Variants in DCAF4 observed in about 807,000 individuals in gnomAD.
DCAF4 encodes DDB1 and CUL4 associated factor 4.
DCAF4 carries 37 observed loss-of-function variants against 60.9 expected under a neutral mutation model. The observed-to-expected ratio is 0.61, with a 90% CI of 0.47 to 0.80. The LOEUF is 0.80. Ranked by LOEUF, DCAF4 falls within the 30% of genes least tolerant of loss-of-function variation. DCAF4 has a pLI of 0.00. For synonymous variants in DCAF4, 243 were observed against 254.8 expected (o/e 0.95, Z 0.44); for missense variants, 577 against 650.0 (o/e 0.89, Z 1.22).
chr14:72,942,219 CA>C (rs1890128796), intron 5 of DCAF4: 1 of 175,620 alleles, frequency 5.7e-6, no homozygotes, highest in African/African-American at 2.4e-5. Flanking sequence ...TAAACCTTAT[CA>C]AAGTACTTAT....
At chr14:72,945,220 G>A (rs988071360) in intron 6 of DCAF4, among the ~76,000 whole-genome samples, 7 of 151,670 alleles carry the variant, frequency 4.6e-5, no homozygotes, top group Admixed American at 6.6e-5. Context: ...TAGCGAGACC[G>A]TATCTCTACA....
At chr14:72,939,739 C>T in intron 2 of DCAF4, 63 bp from the exon 3 acceptor site, 18 of 1,437,404 alleles carry the variant, frequency 1.3e-5, no homozygotes, top group Non-Finnish European at 1.7e-5. Context: ...GACTCCCTGC[C>T]CCCGTCAGAA....
rs147302871 is a variant in DCAF4, at chr14:72,958,620, G to A, written c.1303G>A (p.Asp435Asn). ...EEGILVAVGQDCYTRIWSLHD... is the reference protein window; with the variant it reads ...EEGILVAVGQNCYTRIWSLHD... ...TCTCTCCTCTTTCCTAGTGGGCCAG[G>A]ACTGCTACACGAGAATCTGGAGCCT... Residue 435 changes from aspartate (D) to asparagine (N), a missense_variant, in exon 14 of 14, where the codon GAC becomes AAC. Physicochemically the swap from Asp to Asn is conservative, Grantham distance 23. Coordinates refer to ENST00000358377, the MANE Select transcript of DCAF4 (RefSeq NM_015604.4). 1,688 of 1,614,054 alleles carry A rather than the reference G, an allele frequency of 1.0e-3. 2 individuals carry two copies. Among genetic ancestry groups the A allele is most frequent in the Non-Finnish European group, 1.3e-3 (1,592 of 1,180,046 alleles).
Position 72,941,817 on chromosome 14 carries a change from T to C in DCAF4, c.424T>C (p.Tyr142His). The stretch of plus-strand genomic sequence containing the variant: ...GCTGGGTTTTCTCAACGTCACCAAT[T>C]ACTGCCAGTAAGACAATGCCTCTTT... ...SQLGFLNVTN[Y>H]CHLAHELRLS... Residue 142 changes from tyrosine to histidine, a missense_variant, in exon 5 of 14, where the codon TAC becomes CAC. By Grantham distance (83) the Tyr-to-His change is moderately conservative. Coordinates refer to ENST00000358377, the MANE Select transcript of DCAF4 (RefSeq NM_015604.4). The C allele has an allele frequency of 6.2e-7, 1 of 1,614,010 alleles. No individual in the cohort carries two copies.
intron 9 of DCAF4, among the ~76,000 whole-genome samples, chr14:72,953,682 AC>A (rs1420240848): frequency 7.6e-6 from 1 of 130,858 alleles, no homozygotes; most frequent in African/African-American, 2.8e-5. Context: ...TGCACTCCAG[AC>A]TGGGCAAAAG....
chr14:72,953,162 G>A (rs1036068996), intron 9 of DCAF4, among the ~76,000 whole-genome samples: 6 of 151,056 alleles, frequency 4.0e-5, no homozygotes, highest in African/African-American at 1.2e-4. Flanking sequence ...CACCACACCC[G>A]GCTGATTTTT....
chr14:72,929,971 A>C (rs1457800373), intron 1 of DCAF4: 8 of 739,070 alleles, frequency 1.1e-5, no homozygotes, highest in South Asian at 4.8e-5. Flanking sequence ...AAGGCCAAAA[A>C]TATTTTTTAA....
intron 1 of DCAF4, among the ~76,000 whole-genome samples, chr14:72,931,873 G>C (rs77626167): frequency 1.3e-5 from 2 of 151,960 alleles, no homozygotes; most frequent in African/African-American, 4.8e-5. Flanking sequence ...GATAAATCGC[G>C]CTTGGTCTTG....
chr14:72,929,117 C>T (rs1042934107), intron 1 of DCAF4, among the ~76,000 whole-genome samples: 4 of 150,380 alleles, frequency 2.7e-5, no homozygotes, highest in East Asian at 2.0e-4. Flanking sequence ...GCGCACCCCG[C>T]CCCCCACCCC....
At chr14:72,953,722 AAAAAAAAAAAATATATATATAT>A (rs1891762689) in intron 9 of DCAF4, among the ~76,000 whole-genome samples, 1 of 50,192 alleles carries the variant, frequency 2.0e-5, no homozygotes, top group African/African-American at 1.0e-4. Flanking sequence ...AAAAAAAAAA[AAAAAAAAAAAATATATATATAT>A]ATATATATAT....
chr14:72,939,871 G>A lies in DCAF4; in HGVS notation c.162G>A (p.Ser54=), dbSNP rs35802342. 225 of 1,611,488 alleles carry A rather than the reference G, an allele frequency of 1.4e-4. No homozygotes were observed. In the African/African-American group the frequency reaches 2.7e-3, roughly 19 times the overall value. ...GTGATGACGAGTCTCCGTCAACCTC[G>A]TCTGGCACAGCTGGGACCTCCTCTG... The part of the protein sequence containing the change: ...GHGDDESPST[S]SGTAGTSSVP... Residue 54 remains serine, a synonymous_variant, in exon 3 of 14, where the codon TCG becomes TCA. Transcript: ENST00000358377.
intron 1 of DCAF4, among the ~76,000 whole-genome samples, chr14:72,931,988 CTTT>C (rs146250601): frequency 1.2e-4 from 14 of 116,950 alleles, no homozygotes; most frequent in Middle Eastern, 3.7e-3. Context: ...ATTTTTCCTT[CTTT>C]TTTTTTTTTT....
At chr14:72,934,406 G>A (rs1361950098) in intron 1 of DCAF4, among the ~76,000 whole-genome samples, 2 of 151,722 alleles carry the variant, frequency 1.3e-5, no homozygotes, top group African/African-American at 2.4e-5. Context: ...CACCCGTCTC[G>A]GCCTCCCAAA....
rs75774911 is a variant in DCAF4, at chr14:72,930,713, G to A, written c.-9+4170G>A. Among the ~76,000 whole-genome samples, 1,051 of 152,246 alleles carry A rather than the reference G, an allele frequency of 6.9e-3. 14 individuals are homozygous for A. The highest frequency in any genetic ancestry group is 0.024 in the African/African-American group (1,000 of 41,528). On this transcript the variant is annotated intron_variant, in intron 1 of 13. Transcript: ENST00000358377. ...GAAATCATTGCCTAATCAAGATCATGATGATTTATACCTTTGTTTCCTTCA... is the reference window on the plus strand; with the variant it reads ...GAAATCATTGCCTAATCAAGATCATAATGATTTATACCTTTGTTTCCTTCA...
intron 13 of DCAF4, 25 bp from the exon 14 acceptor site, chr14:72,958,587 G>A: frequency 1.2e-6 from 2 of 1,613,740 alleles, no homozygotes; most frequent in Admixed American, 1.7e-5. Flanking sequence ...TCACTAGCCT[G>A]CCATGTGTCT....
At chr14:72,951,982 G>A (rs1273011774) in intron 9 of DCAF4, 105 bp downstream of exon 9, 2 of 1,229,330 alleles carry the variant, frequency 1.6e-6, no homozygotes, top group African/African-American at 1.5e-5. Flanking sequence ...CACTGTGGGA[G>A]GATTCCCTAA....
Position 72,928,187 on chromosome 14 carries a change from C to CTTTTTTT in DCAF4, c.-9+1661_-9+1667dup, listed in dbSNP as rs565229070. Reference sequence around the variant, plus strand: ...CCCGCTAGTCTACAGAATCCCCCCACTTTTTTTTTTTTTTTTTTTTTTTGA... The same window carrying CTTTTTTT: ...CCCGCTAGTCTACAGAATCCCCCCACTTTTTTTTTTTTTTTTTTTTTTTTTTTTTTGA... On this transcript the variant is annotated intron_variant, in intron 1 of 13. Coordinates refer to ENST00000358377, the MANE Select transcript of DCAF4 (RefSeq NM_015604.4). Among the ~76,000 whole-genome samples the CTTTTTTT allele has an allele frequency of 1.8e-3, 118 of 67,274 alleles. 13 individuals are homozygous for CTTTTTTT. Among genetic ancestry groups the CTTTTTTT allele is most frequent in the Middle Eastern group, 0.017 (1 of 60 alleles). The allele number at this position is 67,274 out of a possible 152,430, so 44.1% of individuals were successfully genotyped here. A position where few individuals can be genotyped will look rare whatever the true frequency, so the allele number is the denominator to read the frequency against.
At position 72,958,605 on chromosome 14, in the gene DCAF4, T is replaced by C; in HGVS notation, c.1295-7T>C. 1 of 1,614,184 alleles carries C rather than the reference T, an allele frequency of 6.2e-7. No homozygotes were observed. The highest frequency in any genetic ancestry group is 8.5e-7 in the Non-Finnish European group (1 of 1,180,010). On this transcript the variant is annotated splice_region_variant and splice_polypyrimidine_tract_variant and intron_variant, in intron 13 of 13. Transcript: ENST00000358377. The stretch of plus-strand genomic sequence containing the variant: ...CTAGCCTGCCATGTGTCTCTCCTCT[T>C]TCCTAGTGGGCCAGGACTGCTACAC...
In DCAF4 at chr14:72,943,003, C is replaced by A; in HGVS notation, c.441C>A (p.His147Gln). 1 of 1,614,116 alleles carries A rather than the reference C, an allele frequency of 6.2e-7. No homozygotes were observed. Among genetic ancestry groups the A allele is most frequent in the Non-Finnish European group, 8.5e-7 (1 of 1,179,978 alleles). The part of the protein sequence containing the change: ...LNVTNYCHLA[H>Q]ELRLSCMERK... Reference sequence around the variant, plus strand: ...CCCTCTGTTTCTGCAGTTTAGCCCACGAGCTGCGTCTCAGCTGCATGGAGA... The same window carrying A: ...CCCTCTGTTTCTGCAGTTTAGCCCAAGAGCTGCGTCTCAGCTGCATGGAGA... Residue 147 changes from histidine to glutamine, a missense_variant, in exon 6 of 14, where the codon CAC becomes CAA. Physicochemically the swap from His to Gln is conservative, Grantham distance 24 (BLOSUM62 0). Transcript: ENST00000358377.
Sources: allele counts gnomAD v4.1 joint callset (sites outside exome capture counted in the v4.1 genomes callset), GRCh38; gene constraint gnomAD v4.1.1; transcripts MANE v1.5; gene names NCBI Gene and HGNC (gene_info 2026-07-23, HGNC 2026-07-21).